The following ZFYVE16 variants were observed in gnomAD, a reference collection of about 807,000 sequenced individuals.
ZFYVE16 encodes zinc finger FYVE-type containing 16, also known as zinc finger FYVE domain-containing protein 16.
In ZFYVE16, 89 loss-of-function variants were observed where a neutral mutation model predicts 138.1. That is an observed-to-expected ratio of 0.64 (90% CI 0.54 to 0.77). The LOEUF (loss-of-function observed/expected upper bound fraction) is 0.77. ZFYVE16 is among the 30% of genes least tolerant of loss of function. The pLI is 0.00. For missense variants in ZFYVE16, 1,793 were observed against 1,786.7 expected (o/e 1.00, Z -0.06); for synonymous variants, 596 against 618.3 (o/e 0.96, Z 0.53).
Position 80,426,286 on chromosome 5 carries a change from ATATATAT to A in ZFYVE16, c.-93-1205_-93-1199del, listed in dbSNP as rs1385914172. 5.4e-3 allele frequency among the ~76,000 whole-genome samples: 773 copies of A among 142,088 alleles called. 5 individuals are homozygous for A. Among genetic ancestry groups the A allele is most frequent in the African/African-American group, 7.7e-3 (298 of 38,526 alleles). The allele number at this position is 142,088 out of a possible 152,430, so 93.2% of individuals were successfully genotyped here. The stretch of plus-strand genomic sequence containing the variant: ...TGTGTGTGTGTGTATATATATATAT[ATATATAT>A]AATTAAATTTAAAGTTCCAGGATAC... On this transcript the variant is annotated intron_variant, in intron 1 of 18. Transcript: ENST00000505560.
rs569755292 is a variant in ZFYVE16 at position 80,467,896 on chromosome 5, G to C, written c.4025-4865G>C. On this transcript the variant is annotated intron_variant, in intron 15 of 18. Coordinates refer to ENST00000505560, the MANE Select transcript of ZFYVE16 (RefSeq NM_001284236.3). ...AAGAACCAAAGGAAAGCATGAGAAT[G>C]ATGTCCAACCAAACAGAATATCAGT... Among the ~76,000 whole-genome samples, 5 of 152,236 alleles carry C rather than the reference G, an allele frequency of 3.3e-5. No homozygotes were observed. The South Asian group carries it at 1.0e-3, about 32-fold the overall frequency.
intron 7 of ZFYVE16, among the ~76,000 whole-genome samples, chr5:80,447,183 C>G (rs1751454127): frequency 6.8e-6 from 1 of 147,790 alleles, no homozygotes; most frequent in African/African-American, 2.5e-5. Context: ...GAGAAAATCA[C>G]TTGAACCCAG....
chr5:80,469,941 TTA>T (rs1754139927), intron 15 of ZFYVE16, among the ~76,000 whole-genome samples: 1 of 151,876 alleles, frequency 6.6e-6, no homozygotes. Context: ...TCAAGATTTA[TTA>T]TATGTTTATT....
At chr5:80,467,109 C>G (rs1230157443) in intron 15 of ZFYVE16, among the ~76,000 whole-genome samples, 4 of 152,104 alleles carry the variant, frequency 2.6e-5, no homozygotes, top group Admixed American at 6.5e-5. Flanking sequence ...CTAAGCTTAC[C>G]CAGTGGGAAA....
chr5:80,454,384 A>G (rs760471914), intron 11 of ZFYVE16: 2 of 152,170 alleles, frequency 1.3e-5, no homozygotes, highest in Non-Finnish European at 2.9e-5. Context: ...CGTTACCAGT[A>G]AGGTCTCTTT....
At chr5:80,462,896 T>C (rs249021) in intron 15 of ZFYVE16, among the ~76,000 whole-genome samples, 118,206 of 152,222 alleles carry the variant, frequency 0.78, 49,083 homozygotes, top group East Asian at 0.92. Flanking sequence ...TCAAATCTTA[T>C]ACCTCTGAAA....
intron 1 of ZFYVE16, among the ~76,000 whole-genome samples, chr5:80,423,447 G>A (rs114292732): frequency 0.022 from 3,290 of 152,140 alleles, 56 homozygotes; most frequent in South Asian, 0.046. Context: ...GTCTTTTAAA[G>A]GAATGAGTTT....
At chr5:80,454,988 A>G (rs1053926975) in intron 11 of ZFYVE16, 1 of 152,200 alleles carries the variant, frequency 6.6e-6, no homozygotes, top group Non-Finnish European at 1.5e-5. Flanking sequence ...TCCACCCCCT[A>G]TAATTTTGTG....
At chr5:80,450,329 C>T in intron 9 of ZFYVE16, 102 bp from the exon 10 acceptor site, 1 of 1,165,886 alleles carries the variant, frequency 8.6e-7, no homozygotes. Flanking sequence ...ACTTTGGGAA[C>T]ACAAGGAATT....
intron 1 of ZFYVE16, among the ~76,000 whole-genome samples, chr5:80,416,882 G>A (rs946610698): frequency 3.9e-5 from 6 of 152,054 alleles, no homozygotes; most frequent in African/African-American, 1.4e-4. Flanking sequence ...GGCCCTCTAA[G>A]CTGACAAACA....
intron 1 of ZFYVE16, among the ~76,000 whole-genome samples, chr5:80,414,953 T>TA (rs1362762567): frequency 6.6e-6 from 1 of 152,212 alleles, no homozygotes; most frequent in Admixed American, 6.5e-5. Flanking sequence ...TAAGAGTTTT[T>TA]CATTCATGTG....
intron 1 of ZFYVE16, among the ~76,000 whole-genome samples, chr5:80,415,966 A>C (rs1240519515): frequency 2.0e-5 from 3 of 151,672 alleles, no homozygotes; most frequent in African/African-American, 7.3e-5. Flanking sequence ...ACGCCCGGCC[A>C]ACTTGCCACT....
chr5:80,431,131 A>G (rs1331243511), intron 2 of ZFYVE16, among the ~76,000 whole-genome samples: 1 of 152,178 alleles, frequency 6.6e-6, no homozygotes, highest in Non-Finnish European at 1.5e-5. Context: ...CAGAGGCACA[A>G]CCAAAAAAGA....
chr5:80,460,678 A>G (rs183758206), intron 15 of ZFYVE16, among the ~76,000 whole-genome samples: 1 of 152,212 alleles, frequency 6.6e-6, no homozygotes, highest in African/African-American at 2.4e-5. Flanking sequence ...GGTAATTGTT[A>G]ATGCTATCTC....
chr5:80,435,393 G>T (rs4704674), intron 3 of ZFYVE16, among the ~76,000 whole-genome samples: 132,877 of 151,904 alleles, frequency 0.87, 58,839 homozygotes, highest in Non-Finnish European at 0.94. Flanking sequence ...AGTCTTAAAC[G>T]CCTGGCCTCA....
At chr5:80,445,733 T>C (rs527726315) in intron 7 of ZFYVE16, among the ~76,000 whole-genome samples, 4 of 145,252 alleles carry the variant, frequency 2.8e-5, no homozygotes, top group Non-Finnish European at 1.5e-5. Context: ...GTTTAGACTT[T>C]ACTGTTAAAA....
chr5:80,462,698 C>T (rs1753259036), intron 15 of ZFYVE16, among the ~76,000 whole-genome samples: 1 of 152,212 alleles, frequency 6.6e-6, no homozygotes, highest in Non-Finnish European at 1.5e-5. Flanking sequence ...AAGTCCAAGT[C>T]CAAAGTCTCA....
At chr5:80,412,803 T>C (rs573096554) in intron 1 of ZFYVE16, among the ~76,000 whole-genome samples, 3 of 152,382 alleles carry the variant, frequency 2.0e-5, no homozygotes, top group South Asian at 4.1e-4. Context: ...TTTACTATTA[T>C]GTTTATTTTA....
At chr5:80,451,093 T>C (rs1751946806) in intron 10 of ZFYVE16, among the ~76,000 whole-genome samples, 1 of 152,206 alleles carries the variant, frequency 6.6e-6, no homozygotes, top group African/African-American at 2.4e-5. Context: ...ATTACAGGCA[T>C]GAGCCACTGT....
Sources: allele counts gnomAD v4.1 joint callset (sites outside exome capture counted in the v4.1 genomes callset), GRCh38; gene constraint gnomAD v4.1.1; transcripts MANE v1.5; gene names NCBI Gene and HGNC (gene_info 2026-07-23, HGNC 2026-07-21).